STAM2: variants seen among roughly 807,000 people sequenced by gnomAD.
The protein encoded by STAM2 is signal transducing adapter molecule 2.
A neutral mutation model predicts 65.6 loss-of-function variants in STAM2; 51 were observed. The ratio of observed to expected loss-of-function variants is 0.78; its 90% CI spans 0.62 to 0.98. The LOEUF is 0.98. STAM2 is among the 50% of genes least tolerant of loss of function. STAM2 has a pLI of 0.00. For missense variants in STAM2, 584 were observed against 617.8 expected, an observed-to-expected ratio of 0.95 and a Z score of 0.58; for synonymous variants, 198 against 208.4, an observed-to-expected ratio of 0.95 and a Z score of 0.43.
chr2:152,152,468 G>A (rs1689463717), intron 1 of STAM2, among the ~76,000 whole-genome samples: 2 of 151,844 alleles, frequency 1.3e-5, no homozygotes, highest in Middle Eastern at 3.2e-3. Context: ...AGAATGGCGT[G>A]AACCCGGGAG....
Position 152,119,515 on chromosome 2 carries a change from C to T in STAM2, c.*1059G>A, listed in dbSNP as rs753348610. 3 of 152,126 alleles carry T rather than the reference C, an allele frequency of 2.0e-5. No homozygotes were observed. The highest frequency in any genetic ancestry group is 4.4e-5 in the Non-Finnish European group (3 of 68,006). The allele number at this position is 152,126 out of a possible 1,614,324, so 9.4% of individuals were successfully genotyped here. A position where few individuals can be genotyped will look rare whatever the true frequency, so the allele number is the denominator to read the frequency against. ...ATCACCTCTTTAAAAAAACAACACA[C>T]CACTAAAAACACACTTATCATCCAT... On this transcript the variant is annotated 3_prime_UTR_variant, in exon 14 of 14. Transcript: ENST00000263904.
At position 152,120,747 on chromosome 2, in the gene STAM2, G is replaced by A. The variant is rs1298964680; in HGVS notation, c.1405C>T (p.Gln469Ter). 9 of 1,614,176 alleles carry A rather than the reference G, an allele frequency of 5.6e-6. No homozygotes were observed. The highest frequency in any genetic ancestry group is 7.6e-6 in the Non-Finnish European group (9 of 1,180,020). ...TAAGCAGTTGTACCAGTAGCTGACT[G>A]TAGGTTAGAGTTCTGGTTCATATAA... The part of the protein sequence containing the change: ...PTYMNQNSNL[Q>*]SATGTTAYTQ... Residue 469 changes from glutamine (Q) to a stop codon, truncating the protein, a stop_gained, in exon 14 of 14, where the codon CAG becomes TAG. Transcript: ENST00000263904. LOFTEE classifies it high-confidence loss of function.
At chr2:152,126,147 A>C (rs1486055547) in intron 12 of STAM2, 79 bp downstream of exon 12, 1 of 1,182,308 alleles carries the variant, frequency 8.5e-7, no homozygotes, top group Non-Finnish European at 1.1e-6. Flanking sequence ...AGAAATCTTA[A>C]TACTATGCTA....
At chr2:152,143,737 A>T in intron 7 of STAM2, 90 bp downstream of exon 7, 1 of 1,057,520 alleles carries the variant, frequency 9.5e-7, no homozygotes, top group Non-Finnish European at 1.3e-6. Context: ...ATTATGATTT[A>T]AATACACTAA....
chr2:152,136,277 TATTAAA>T (rs969170601), intron 7 of STAM2, among the ~76,000 whole-genome samples: 4 of 151,756 alleles, frequency 2.6e-5, no homozygotes, highest in Non-Finnish European at 5.9e-5. Flanking sequence ...ACCCTGTCTC[TATTAAA>T]AATACAAAAA....
chr2:152,120,971 TTTC>T lies in STAM2; in HGVS notation c.1350-172_1350-170del, dbSNP rs375522184. 4.0e-4 allele frequency among the ~76,000 whole-genome samples: 61 copies of T among 152,288 alleles called. No homozygotes were observed. The East Asian group carries it at 4.2e-3, about 11-fold the overall frequency. On this transcript the variant is annotated intron_variant, in intron 13 of 13. Transcript: ENST00000263904. ...AGCCATTGAATACTGTTAATCAAAT[TTTC>T]TTCTTCTTATTTTTGAGATGGGATC...
chr2:152,125,182 G>A (rs181806999), intron 12 of STAM2, among the ~76,000 whole-genome samples: 3 of 152,250 alleles, frequency 2.0e-5, no homozygotes, highest in South Asian at 4.1e-4. Context: ...CAGCAGCAGC[G>A]AACAACTCTG....
At chr2:152,149,900 A>T (rs1237969277) in intron 2 of STAM2, among the ~76,000 whole-genome samples, 1 of 152,176 alleles carries the variant, frequency 6.6e-6, no homozygotes, top group Non-Finnish European at 1.5e-5. Flanking sequence ...ACAATAAGGT[A>T]AGCTAGAGAA....
At position 152,148,249 on chromosome 2, in the gene STAM2, T is replaced by G; in HGVS notation, c.177A>C (p.Pro59=). 6.2e-7 allele frequency: 1 copy of G among 1,611,708 alleles called. No individual in the cohort carries two copies. Among genetic ancestry groups the G allele is most frequent in the Non-Finnish European group, 8.5e-7 (1 of 1,179,102 alleles). Residue 59 remains proline, a synonymous_variant, in exon 3 of 14, where the codon CCA becomes CCC. Transcript: ENST00000263904. ...CAGTTAGTGCTTGCAGAGCAACATG[T>G]GGAACCTTATGATTTACCCTTTTCA... is the stretch of plus-strand genomic sequence containing the variant. ...AIMKRVNHKV[P]HVALQALTLL...
chr2:152,141,898 G>C (rs1401489898), intron 7 of STAM2, among the ~76,000 whole-genome samples: 1 of 152,086 alleles, frequency 6.6e-6, no homozygotes, highest in Non-Finnish European at 1.5e-5. Context: ...CAGCTCCATG[G>C]TTCTTAAATG....
chr2:152,162,702 C>T (rs529101704), intron 1 of STAM2, among the ~76,000 whole-genome samples: 3 of 152,220 alleles, frequency 2.0e-5, no homozygotes, highest in Non-Finnish European at 4.4e-5. Flanking sequence ...AGTATAGTGG[C>T]GCGATCTTGG....
At chr2:152,122,070 A>ATGTG (rs1301269911) in intron 13 of STAM2, among the ~76,000 whole-genome samples, 17 of 112,254 alleles carry the variant, frequency 1.5e-4, no homozygotes, top group Admixed American at 1.1e-3. Flanking sequence ...ATATATATAT[A>ATGTG]TATATATGTG....
chr2:152,158,493 A>G (rs1689595012), intron 1 of STAM2, among the ~76,000 whole-genome samples: 1 of 152,270 alleles, frequency 6.6e-6, no homozygotes, highest in African/African-American at 2.4e-5. Flanking sequence ...AAATAATAAT[A>G]ATTGTAATAC....
intron 1 of STAM2, among the ~76,000 whole-genome samples, chr2:152,160,398 A>T (rs1026703577): frequency 6.6e-6 from 1 of 151,158 alleles, no homozygotes; most frequent in Non-Finnish European, 1.5e-5. Flanking sequence ...CTGGGATGTG[A>T]GGAGCGTCTC....
At chr2:152,164,064 T>C (rs183153356) in intron 1 of STAM2, among the ~76,000 whole-genome samples, 1 of 152,256 alleles carries the variant, frequency 6.6e-6, no homozygotes, top group African/African-American at 2.4e-5. Flanking sequence ...CCCCTCCCCT[T>C]TTGAAATCCT....
At chr2:152,134,576 G>A in intron 8 of STAM2, among the ~76,000 whole-genome samples, 1 of 152,098 alleles carries the variant, frequency 6.6e-6, no homozygotes, top group East Asian at 1.9e-4. Context: ...TCCTGAACTG[G>A]CAAGGACTAG....
At chr2:152,175,530 C>T in intron 1 of STAM2, 73 bp downstream of exon 1, 5 of 1,591,680 alleles carry the variant, frequency 3.1e-6, no homozygotes, top group Non-Finnish European at 4.3e-6. Context: ...GTCGCTACCG[C>T]CCACTTTCTA....
chr2:152,120,688 T>C lies in STAM2; in HGVS notation c.1464A>G (p.Ser488=), dbSNP rs1688835350. ...TQQMGMSVDM[S]SYQNTTSNLP... ...AATTGGAAGTAGTGTTCTGATAAGA[T>C]GACATATCCACAGACATCCCCATTT... The change falls in exon 14 of 14, where the codon TCA becomes TCG. Residue 488 remains serine, a synonymous_variant. Coordinates refer to ENST00000263904, the MANE Select transcript of STAM2 (RefSeq NM_005843.6). 6.2e-7 allele frequency: 1 copy of C among 1,614,142 alleles called. No homozygotes were observed. Among genetic ancestry groups the C allele is most frequent in the Non-Finnish European group, 8.5e-7 (1 of 1,180,040 alleles).
At chr2:152,167,634 C>T (rs1380914892) in intron 1 of STAM2, among the ~76,000 whole-genome samples, 8 of 152,160 alleles carry the variant, frequency 5.3e-5, no homozygotes, top group African/African-American at 1.9e-4. Context: ...GTGGCTCACT[C>T]CTATAATCCC....
Sources: gnomAD v4.1 joint callset for allele counts (sites outside exome capture counted in the v4.1 genomes callset) on GRCh38, gnomAD v4.1.1 for gene constraint, MANE v1.5 for transcripts, NCBI Gene and HGNC (gene_info 2026-07-23, HGNC 2026-07-21) for gene names.